Variants in NRXN3 observed in about 807,000 individuals in gnomAD.
NRXN3 encodes the protein neurexin III.
NRXN3 carries 32 observed loss-of-function variants against 137.6 expected under a neutral mutation model. The observed-to-expected ratio is 0.23, with a 90% CI of 0.18 to 0.31. The LOEUF is 0.31. NRXN3 is among the 10% of genes least tolerant of loss of function. The probability of loss-of-function intolerance (pLI) is 1.00; values close to 1 mark genes in which losing one functional copy is unlikely to be tolerated. For synonymous variants in NRXN3, 798 were observed against 784.5 expected (o/e 1.02, Z -0.29); for missense variants, 1,574 against 2,062.5 (o/e 0.76, Z 4.59).
intron 15 of NRXN3, among the ~76,000 whole-genome samples, chr14:79,452,608 A>G (rs943294416): frequency 8.5e-5 from 13 of 152,174 alleles, no homozygotes; most frequent in African/African-American, 3.1e-4. Flanking sequence ...TTATGCAGTC[A>G]CCTCTCACAA....
chr14:79,225,280 G>A (rs2070642495), intron 15 of NRXN3, among the ~76,000 whole-genome samples: 1 of 152,124 alleles, frequency 6.6e-6, no homozygotes, highest in South Asian at 2.1e-4. Flanking sequence ...TACATGCAAA[G>A]TAAGATAAAA....
chr14:79,449,880 G>T (rs1428144963), intron 15 of NRXN3, among the ~76,000 whole-genome samples: 2 of 150,458 alleles, frequency 1.3e-5, no homozygotes, highest in Non-Finnish European at 3.0e-5. Flanking sequence ...AATTCCAGCT[G>T]CTTGGGAGGC....
chr14:79,171,732 G>T lies in NRXN3; in HGVS notation c.3262+183591G>T, dbSNP rs115233588. On this transcript the variant is annotated intron_variant, in intron 15 of 20. Transcript: ENST00000335750. Reference sequence around the variant, plus strand: ...TTTGGTTATTGTTGAAAATATATGGGGAAAAAATGGCAAAAGAAATAGGCC... The same window carrying T: ...TTTGGTTATTGTTGAAAATATATGGTGAAAAAATGGCAAAAGAAATAGGCC... Among the ~76,000 whole-genome samples the T allele has an allele frequency of 3.4e-3, 519 of 152,002 alleles. 2 individuals carry two copies. The highest frequency in any genetic ancestry group is 0.012 in the African/African-American group (478 of 41,476).
intron 4 of NRXN3, among the ~76,000 whole-genome samples, chr14:78,606,814 C>T (rs1402572358): frequency 6.6e-6 from 1 of 152,106 alleles, no homozygotes; most frequent in Non-Finnish European, 1.5e-5. Flanking sequence ...CAAAACATGA[C>T]CTTTTCCACA....
intron 4 of NRXN3, among the ~76,000 whole-genome samples, chr14:78,536,570 A>T (rs2096537458): frequency 6.6e-6 from 1 of 151,878 alleles, no homozygotes; most frequent in South Asian, 2.1e-4. Context: ...TAATATGTAG[A>T]TTGAAATAAA....
chr14:78,886,789 G>C (rs1314394378), intron 10 of NRXN3, among the ~76,000 whole-genome samples: 2 of 152,110 alleles, frequency 1.3e-5, no homozygotes, highest in Non-Finnish European at 2.9e-5. Context: ...GGTTTAATCT[G>C]TGCTAGTGAT....
intron 10 of NRXN3, among the ~76,000 whole-genome samples, chr14:78,899,840 A>G (rs1326894495): frequency 1.5e-4 from 23 of 152,118 alleles, no homozygotes; most frequent in Non-Finnish European, 7.4e-5. Context: ...ACCCTGACTT[A>G]GAACTATATA....
At chr14:79,650,020 C>T (rs1283114478) in intron 16 of NRXN3, among the ~76,000 whole-genome samples, 1 of 152,124 alleles carries the variant, frequency 6.6e-6, no homozygotes, top group Non-Finnish European at 1.5e-5. Flanking sequence ...AGAGAGAAAT[C>T]ATGCCTAATG....
chr14:79,503,141 A>G (rs1458744335), intron 16 of NRXN3, among the ~76,000 whole-genome samples: 7 of 152,068 alleles, frequency 4.6e-5, no homozygotes, highest in Non-Finnish European at 7.4e-5. Context: ...TTACTTATCT[A>G]TCTCTGATTT....
At chr14:79,387,810 T>C (rs1453307324) in intron 15 of NRXN3, among the ~76,000 whole-genome samples, 1 of 151,852 alleles carries the variant, frequency 6.6e-6, no homozygotes, top group Non-Finnish European at 1.5e-5. Flanking sequence ...TGTAGCGACA[T>C]GGATGAAGCT....
Position 78,742,923 on chromosome 14 carries a change from C to T in NRXN3, c.2044+27784C>T, listed in dbSNP as rs118059466. Among the ~76,000 whole-genome samples, 997 of 152,264 alleles carry T rather than the reference C, an allele frequency of 6.5e-3. 8 individuals are homozygous for T. The highest frequency in any genetic ancestry group is 0.01 in the Non-Finnish European group (711 of 68,006). On this transcript the variant is annotated intron_variant, in intron 8 of 20. Coordinates refer to ENST00000335750, the MANE Select transcript of NRXN3 (RefSeq NM_001330195.2). ...TAGTTAAATAAACTCAAGACACCATCATTAAACAATTCAATAATTAAGGTC... is the reference window on the plus strand; with the variant it reads ...TAGTTAAATAAACTCAAGACACCATTATTAAACAATTCAATAATTAAGGTC...
intron 10 of NRXN3, among the ~76,000 whole-genome samples, chr14:78,847,681 T>G (rs930374725): frequency 4.6e-5 from 7 of 152,062 alleles, no homozygotes; most frequent in Admixed American, 3.9e-4. Flanking sequence ...GTGGGAAAAT[T>G]TTGGATAAAA....
At chr14:78,985,190 G>C (rs910112599) in intron 14 of NRXN3, among the ~76,000 whole-genome samples, 1 of 152,174 alleles carries the variant, frequency 6.6e-6, no homozygotes, top group Non-Finnish European at 1.5e-5. Flanking sequence ...GCATGATATA[G>C]CAAATCAAGG....
At chr14:79,053,218 C>T (rs1368831547) in intron 15 of NRXN3, among the ~76,000 whole-genome samples, 2 of 152,160 alleles carry the variant, frequency 1.3e-5, no homozygotes, top group African/African-American at 4.8e-5. Flanking sequence ...TAACATTTGC[C>T]CAGCACTTAG....
chr14:79,696,175 C>T (rs1328570597), intron 18 of NRXN3, among the ~76,000 whole-genome samples: 1 of 151,926 alleles, frequency 6.6e-6, no homozygotes, highest in Non-Finnish European at 1.5e-5. Flanking sequence ...AATTCAAGGA[C>T]AGATCAACAT....
intron 15 of NRXN3, among the ~76,000 whole-genome samples, chr14:79,412,793 A>AG (rs2095438105): frequency 6.6e-6 from 1 of 150,554 alleles, no homozygotes; most frequent in East Asian, 1.9e-4. Context: ...AAAAAAAAAA[A>AG]AAAAAAAAAA....
At chr14:79,335,816 C>T (rs906701795) in intron 15 of NRXN3, among the ~76,000 whole-genome samples, 1 of 152,108 alleles carries the variant, frequency 6.6e-6, no homozygotes, top group East Asian at 1.9e-4. Context: ...CTAGAACCCC[C>T]TTCTATTCTG....
At chr14:78,276,422 C>T (rs1200470572) in intron 2 of NRXN3, among the ~76,000 whole-genome samples, 4 of 152,090 alleles carry the variant, frequency 2.6e-5, no homozygotes, top group African/African-American at 9.7e-5. Context: ...TCCAGTGAGC[C>T]ATCTGGTCAA....
rs1600206347 is a variant in NRXN3 at position 79,432,378 on chromosome 14, A to G, written c.3263-34843A>G. ...ACCTGCTACCTCAGCTTCAGGAGAA[A>G]CCAGTTGCTGGCCTCTGTGCTGTTC... On this transcript the variant is annotated intron_variant, in intron 15 of 20. Transcript: ENST00000335750. Among the ~76,000 whole-genome samples the G allele has an allele frequency of 2.0e-5, 3 of 152,300 alleles. No homozygotes were observed. In the East Asian group the frequency reaches 5.8e-4, roughly 29 times the overall value.
Sources: allele counts gnomAD v4.1 joint callset (sites outside exome capture counted in the v4.1 genomes callset), GRCh38; gene constraint gnomAD v4.1.1; transcripts MANE v1.5; gene names NCBI Gene and HGNC (gene_info 2026-07-23, HGNC 2026-07-21).